Variants in ZFAT observed in about 807,000 individuals in gnomAD.
ZFAT encodes zinc finger protein ZFAT.
Under a neutral mutation model 117.7 loss-of-function variants are expected in ZFAT, and 64 were observed. The observed-to-expected ratio is 0.54, with a 90% CI of 0.44 to 0.67. The LOEUF is 0.67. Ranked by LOEUF, ZFAT falls within the 30% of genes least tolerant of loss-of-function variation. ZFAT has a pLI of 0.00. For synonymous variants in ZFAT, 679 were observed against 615.0 expected, an observed-to-expected ratio of 1.10 and a Z score of -1.54; for missense variants, 1,433 against 1,584.5, an observed-to-expected ratio of 0.90 and a Z score of 1.62.
Position 134,588,304 on chromosome 8 carries a change from AC to A in ZFAT, c.2654del (p.Cys885LeufsTer6). 1 of 1,581,592 alleles carries A rather than the reference AC, an allele frequency of 6.3e-7. No individual in the cohort carries two copies. Among genetic ancestry groups the A allele is most frequent in the Non-Finnish European group, 8.6e-7 (1 of 1,162,428 alleles). ...AGCCATTCTTCATGAAATAAAAGTC[AC>A]AATATGGGCATTTCATGGCTCTCTT... ...IGKRAMKCPY[C>X]DFYFMKNGSD... On this transcript the variant is annotated frameshift_variant, in exon 9 of 16. Transcript: ENST00000377838. LOFTEE classifies it high-confidence loss of function.
At chr8:134,582,881 C>A (rs1393012004) in intron 10 of ZFAT, among the ~76,000 whole-genome samples, 2 of 152,140 alleles carry the variant, frequency 1.3e-5, no homozygotes, top group African/African-American at 4.8e-5. Context: ...ATTTTGATTT[C>A]TATAGTAAAC....
chr8:134,608,606 A>G (rs535892319), intron 5 of ZFAT, 123 bp downstream of exon 5: 28 of 1,207,928 alleles, frequency 2.3e-5, no homozygotes, highest in Middle Eastern at 2.2e-4. Context: ...AGGAGTCAGT[A>G]TCTCTTATAA....
At chr8:134,746,498 A>G in the ZFAT span, among the ~76,000 whole-genome samples, 1 of 152,220 alleles carries the variant, frequency 6.6e-6, no homozygotes, top group Non-Finnish European at 1.5e-5. Context: ...CCATATTTAA[A>G]TTGCACTTGG....
intron 15 of ZFAT, among the ~76,000 whole-genome samples, chr8:134,493,379 G>A (rs1818192394): frequency 6.6e-6 from 1 of 152,210 alleles, no homozygotes; most frequent in South Asian, 2.1e-4. Context: ...GCTGAGAGGA[G>A]CAATGCAGGC....
rs77809153 is a variant in ZFAT at position 134,502,124 on chromosome 8, C to T, written c.3492+7495G>A. Among the ~76,000 whole-genome samples, 1,124 of 152,212 alleles carry T rather than the reference C, an allele frequency of 7.4e-3. 6 individuals are homozygous for T. The highest frequency in any genetic ancestry group is 0.012 in the Non-Finnish European group (835 of 68,010). ...CTCATAGAGTCACTTTCTAGATCCC[C>T]CCTCCTCATTATTTCACCACAAGTC... On this transcript the variant is annotated intron_variant, in intron 15 of 15. Coordinates refer to ENST00000377838, the MANE Select transcript of ZFAT (RefSeq NM_020863.4).
intron 15 of ZFAT, among the ~76,000 whole-genome samples, chr8:134,495,149 C>A (rs1818338965): frequency 6.6e-6 from 1 of 152,212 alleles, no homozygotes; most frequent in South Asian, 2.1e-4. Context: ...GCTGCTGTCA[C>A]AAAGCAGCAC....
intron 15 of ZFAT, among the ~76,000 whole-genome samples, chr8:134,494,791 C>CGATGTGTAGGGAAGA (rs1419341608): frequency 6.6e-6 from 1 of 152,182 alleles, no homozygotes; most frequent in Non-Finnish European, 1.5e-5. Flanking sequence ...TCAAACTTAT[C>CGATGTGTAGGGAAGA]GAGGTAAGTT....
At chr8:134,816,723 G>C in the ZFAT span, among the ~76,000 whole-genome samples, 1 of 152,054 alleles carries the variant, frequency 6.6e-6, no homozygotes, top group African/African-American at 2.4e-5. Flanking sequence ...GGTGGCTCAC[G>C]CCTGTAATCC....
At chr8:134,641,685 G>C (rs1222411034) in intron 2 of ZFAT, among the ~76,000 whole-genome samples, 6 of 152,318 alleles carry the variant, frequency 3.9e-5, no homozygotes, top group African/African-American at 1.4e-4. Flanking sequence ...ATGTGGAGTA[G>C]ATACAATTAA....
chr8:134,561,820 C>G (rs906388237), intron 11 of ZFAT, among the ~76,000 whole-genome samples: 2 of 152,098 alleles, frequency 1.3e-5, no homozygotes, highest in Non-Finnish European at 2.9e-5. Flanking sequence ...GTATGAATAT[C>G]ATATATTTTC....
chr8:134,770,983 A>G, the ZFAT span, among the ~76,000 whole-genome samples: 1 of 152,156 alleles, frequency 6.6e-6, no homozygotes, highest in East Asian at 1.9e-4. Context: ...ATCAATGACA[A>G]TGGTGCCCGA....
chr8:134,562,762 G>C (rs981958071), intron 11 of ZFAT, among the ~76,000 whole-genome samples: 1 of 152,202 alleles, frequency 6.6e-6, no homozygotes, highest in Non-Finnish European at 1.5e-5. Flanking sequence ...TAATACATAT[G>C]TGAGTGATTC....
chr8:134,578,319 G>A (rs1010861403), intron 10 of ZFAT, among the ~76,000 whole-genome samples: 16 of 150,308 alleles, frequency 1.1e-4, no homozygotes, highest in Non-Finnish European at 2.2e-4. Context: ...GCTGAGGCAG[G>A]AGAATCGCTT....
chr8:134,709,581 T>C (rs192789993), intron 1 of ZFAT, among the ~76,000 whole-genome samples: 9 of 152,338 alleles, frequency 5.9e-5, no homozygotes, highest in Admixed American at 5.9e-4. Context: ...AACTCTAGGC[T>C]AAATCTCTTT....
intron 1 of ZFAT, among the ~76,000 whole-genome samples, chr8:134,693,628 C>CG (rs1833688467): frequency 3.9e-5 from 1 of 25,488 alleles, no homozygotes; most frequent in South Asian, 1.6e-3. Context: ...AAACGGGGCG[C>CG]GGGGGGTGGG....
intron 1 of ZFAT, among the ~76,000 whole-genome samples, chr8:134,679,944 G>C (rs1832988121): frequency 7.0e-6 from 1 of 142,940 alleles, no homozygotes; most frequent in Non-Finnish European, 1.5e-5. Context: ...GTGGGGGGTT[G>C]GGGGTTGGGG....
chr8:134,697,263 G>A (rs541126542), intron 1 of ZFAT, among the ~76,000 whole-genome samples: 3 of 152,026 alleles, frequency 2.0e-5, no homozygotes, highest in Non-Finnish European at 2.9e-5. Flanking sequence ...ACGGGCACCC[G>A]CCACCATGCC....
At chr8:134,551,964 C>T (rs1366074876) in intron 11 of ZFAT, among the ~76,000 whole-genome samples, 6 of 152,130 alleles carry the variant, frequency 3.9e-5, no homozygotes, top group Non-Finnish European at 5.9e-5. Context: ...CTGGTTGCAA[C>T]GGGTTTTTTA....
At chr8:134,701,024 C>T (rs1833995580) in intron 1 of ZFAT, among the ~76,000 whole-genome samples, 1 of 152,108 alleles carries the variant, frequency 6.6e-6, no homozygotes, top group South Asian at 2.1e-4. Flanking sequence ...ATGGTAAATA[C>T]ACATAAAATG....
Sources: allele counts gnomAD v4.1 joint callset (sites outside exome capture counted in the v4.1 genomes callset), GRCh38; gene constraint gnomAD v4.1.1; transcripts MANE v1.5; gene names NCBI Gene and HGNC (gene_info 2026-07-23, HGNC 2026-07-21).